Variants in MCM8 observed in about 807,000 individuals in gnomAD.
The protein encoded by MCM8 is minichromosome maintenance 8 homologous recombination repair factor.
A neutral mutation model predicts 98.9 loss-of-function variants in MCM8; 85 were observed. That is an observed-to-expected ratio of 0.86 (90% confidence interval 0.72 to 1.03). The LOEUF is 1.03. Ranked by LOEUF, MCM8 falls within the 50% of genes least tolerant of loss-of-function variation. The probability of loss-of-function intolerance (pLI) is 0.00; values close to 1 mark genes in which losing one functional copy is unlikely to be tolerated. For synonymous variants in MCM8, 352 were observed against 338.6 expected (o/e 1.04, Z -0.44); for missense variants, 951 against 997.8 (o/e 0.95, Z 0.63).
intron 17 of MCM8, among the ~76,000 whole-genome samples, chr20:5,991,624 G>A (rs936324933): frequency 1.3e-5 from 2 of 152,170 alleles, no homozygotes; most frequent in African/African-American, 4.8e-5. Flanking sequence ...CTATGTTCAT[G>A]GTAGAGATCA....
At chr20:5,986,828 T>G (rs1417199499) in intron 16 of MCM8, among the ~76,000 whole-genome samples, 1 of 152,192 alleles carries the variant, frequency 6.6e-6, no homozygotes, top group Non-Finnish European at 1.5e-5. Flanking sequence ...CACAGATTTT[T>G]TTTGTTTGTT....
intron 8 of MCM8, among the ~76,000 whole-genome samples, chr20:5,964,066 T>C (rs147313345): frequency 5.3e-5 from 8 of 152,092 alleles, no homozygotes; most frequent in African/African-American, 1.9e-4. Context: ...GCATGTTTCA[T>C]TTTATGTTCT....
Position 5,958,578 on chromosome 20 carries a change from A to G in MCM8, c.641A>G (p.Tyr214Cys), listed in dbSNP as rs773264267. 1.1e-5 allele frequency: 18 copies of G among 1,614,028 alleles called. No individual in the cohort carries two copies. In the East Asian group the frequency reaches 3.6e-4, roughly 32 times the overall value. Residue 214 changes from tyrosine to cysteine, a missense_variant, in exon 7 of 19, where the codon TAC (tyrosine) becomes TGC (cysteine). Tyr to Cys is a radical substitution (Grantham distance 194). Transcript: ENST00000610722. ...LTQLKNVRAN[Y>C]YGKYIALRGT... ...CAGCTCAAGAATGTCAGAGCAAATT[A>G]CTATGGAAAATACATTGCTCTAAGA...
rs1387238895 is a variant in MCM8 at position 5,994,481 on chromosome 20, AC to A, written c.*91del. 1.5e-4 allele frequency: 41 copies of A among 280,378 alleles called. No individual in the cohort carries two copies. The highest frequency in any genetic ancestry group is 1.1e-3 in the African/African-American group (23 of 21,136). The allele number at this position is 280,378 out of a possible 1,614,324, so 17.4% of individuals were successfully genotyped here. On this transcript the variant is annotated 3_prime_UTR_variant, in exon 19 of 19. Coordinates refer to ENST00000610722, the MANE Select transcript of MCM8 (RefSeq NM_032485.6). ...TGCGTGCACGCACAGACAGACAGAC[AC>A]ACACACACACACACACACACACACA...
intron 7 of MCM8, among the ~76,000 whole-genome samples, chr20:5,960,466 G>A (rs2089113365): frequency 6.6e-6 from 1 of 152,020 alleles, no homozygotes; most frequent in Non-Finnish European, 1.5e-5. Flanking sequence ...ATTGATAGGA[G>A]TTCTTTATAC....
chr20:5,977,903 G>A lies in MCM8; in HGVS notation c.1423G>A (p.Val475Met), dbSNP rs376216985. The A allele has an allele frequency of 2.1e-5, 34 of 1,614,028 alleles. No homozygotes were observed. The highest frequency in any genetic ancestry group is 8.0e-5 in the African/African-American group (6 of 74,912). Residue 475 changes from valine to methionine, a missense_variant, in exon 13 of 19, where the codon GTG becomes ATG. Coordinates refer to ENST00000610722, the MANE Select transcript of MCM8 (RefSeq NM_032485.6). ...AGCGTGCAATGTTGCCCCACGTGGC[G>A]TGTATGTTTGTGGTAACACCACGAC... ...QAACNVAPRG[V>M]YVCGNTTTTS...
At chr20:5,955,930 A>G (rs2088968596) in intron 5 of MCM8, among the ~76,000 whole-genome samples, 1 of 151,852 alleles carries the variant, frequency 6.6e-6, no homozygotes. Flanking sequence ...CACCATGCCC[A>G]GCTAAGTTTT....
chr20:5,952,216 G>A lies in MCM8; in HGVS notation c.148+53G>A, dbSNP rs139658234. On this transcript the variant is annotated intron_variant, in intron 2 of 18. Coordinates refer to ENST00000610722, the MANE Select transcript of MCM8 (RefSeq NM_032485.6). ...TTTTTCACTTAAGGAAGCAATTCAC[G>A]TCTATCATACAAGGCGGTTTATCTC... 4.7e-4 allele frequency: 753 copies of A among 1,604,136 alleles called. 6 individuals carry two copies. The African/African-American group carries it at 7.7e-3, about 16-fold the overall frequency.
In MCM8 at chr20:5,955,761, T is replaced by C. The variant is rs2088963951; in HGVS notation, c.486+510T>C. Among the ~76,000 whole-genome samples, 3 of 152,312 alleles carry C rather than the reference T, an allele frequency of 2.0e-5. No homozygotes were observed. The South Asian group carries it at 6.2e-4, about 32-fold the overall frequency. ...ACATATATGAAAACATTTTTAACTT[T>C]TTAAATTTTTTAAATTTATTTTTTA... On this transcript the variant is annotated intron_variant, in intron 5 of 18. Transcript: ENST00000610722.
intron 1 of MCM8, 48 bp from the exon 2 acceptor site, chr20:5,951,963 A>G (rs1297608753): frequency 1.8e-5 from 28 of 1,557,014 alleles, no homozygotes; most frequent in Middle Eastern, 1.7e-4. Flanking sequence ...TAAGAGCACT[A>G]TTTTCCTTAC....
In MCM8 at chr20:5,975,711, G is replaced by T. The variant is rs188652297; in HGVS notation, c.1396-2165G>T. Among the ~76,000 whole-genome samples the T allele has an allele frequency of 2.4e-3, 369 of 151,456 alleles. 5 individuals carry two copies. The highest frequency in any genetic ancestry group is 3.2e-4 in the Non-Finnish European group (22 of 67,836). Reference sequence around the variant, plus strand: ...CGGGGTTTCACCATGTTAGCGAGGAGGGTCTCCATCTCCTGACCTTGTGAT... The same window carrying T: ...CGGGGTTTCACCATGTTAGCGAGGATGGTCTCCATCTCCTGACCTTGTGAT... On this transcript the variant is annotated intron_variant, in intron 12 of 18. Transcript: ENST00000610722.
intron 8 of MCM8, among the ~76,000 whole-genome samples, chr20:5,964,345 C>T (rs1313022116): frequency 6.6e-6 from 1 of 152,092 alleles, no homozygotes. Flanking sequence ...CTGCTTCACC[C>T]CCTTCTTCCC....
intron 10 of MCM8, among the ~76,000 whole-genome samples, chr20:5,971,312 A>G (rs1050699104): frequency 2.6e-5 from 4 of 152,190 alleles, no homozygotes; most frequent in Non-Finnish European, 5.9e-5. Flanking sequence ...TCTCTCTGAA[A>G]CCTGTTAGCC....
chr20:5,962,216 G>C (rs903392941), intron 7 of MCM8, among the ~76,000 whole-genome samples: 2 of 152,218 alleles, frequency 1.3e-5, no homozygotes, highest in African/African-American at 2.4e-5. Flanking sequence ...AAGAAGTGCA[G>C]TTGGTAGGCA....
intron 4 of MCM8, 47 bp downstream of exon 4, chr20:5,954,737 A>G (rs779116326): frequency 6.0e-6 from 7 of 1,163,962 alleles, no homozygotes; most frequent in African/African-American, 1.5e-5. Context: ...CCATCTTACC[A>G]ATGTATTCGA....
chr20:5,988,132 G>T (rs6085337), intron 17 of MCM8, among the ~76,000 whole-genome samples: 2 of 151,626 alleles, frequency 1.3e-5, no homozygotes, highest in Non-Finnish European at 2.9e-5. Flanking sequence ...TTTTTTAATA[G>T]GTCCATACTT....
chr20:5,982,955 C>G lies in MCM8; in HGVS notation c.1538-15C>G. 1 of 1,596,736 alleles carries G rather than the reference C, an allele frequency of 6.3e-7. No homozygotes were observed. The highest frequency in any genetic ancestry group is 8.5e-7 in the Non-Finnish European group (1 of 1,174,440). ...GAAAAAATGTTTTTTCTGCTTTATT[C>G]TACTTCGATTGTAGGTATTTGTGGA... On this transcript the variant is annotated splice_polypyrimidine_tract_variant and intron_variant, in intron 13 of 18. Coordinates refer to ENST00000610722, the MANE Select transcript of MCM8 (RefSeq NM_032485.6).
intron 14 of MCM8, 28 bp downstream of exon 14, chr20:5,983,193 T>G (rs778232976): frequency 8.4e-6 from 13 of 1,549,188 alleles, no homozygotes; most frequent in Non-Finnish European, 1.1e-5. Flanking sequence ...TTTATACCTT[T>G]AATGTATTGA....
Position 5,994,478 on chromosome 20 carries a change from G to GACACACACACAC in MCM8, c.*121_*132dup, listed in dbSNP as rs11472210. 3.4e-4 allele frequency: 129 copies of GACACACACACAC among 384,432 alleles called. No homozygotes were observed. Among genetic ancestry groups the GACACACACACAC allele is most frequent in the African/African-American group, 1.5e-3 (66 of 43,262 alleles). 23.8% of individuals were successfully genotyped at this position (384,432 alleles called of 1,614,324 possible). On this transcript the variant is annotated 3_prime_UTR_variant, in exon 19 of 19. Transcript: ENST00000610722. ...ATATGCGTGCACGCACAGACAGACA[G>GACACACACACAC]ACACACACACACACACACACACACA...
Sources: allele counts gnomAD v4.1 joint callset (sites outside exome capture counted in the v4.1 genomes callset), GRCh38; gene constraint gnomAD v4.1.1; transcripts MANE v1.5; gene names NCBI Gene and HGNC (gene_info 2026-07-23, HGNC 2026-07-21).